PMPCB: variants seen among roughly 807,000 people sequenced by gnomAD.
PMPCB encodes the protein peptidase, mitochondrial processing subunit beta.
A neutral mutation model predicts 61.5 loss-of-function variants in PMPCB; 46 were observed. That is an observed-to-expected ratio of 0.75 (90% CI 0.59 to 0.96). The LOEUF (loss-of-function observed/expected upper bound fraction) is 0.96. PMPCB is among the 40% of genes least tolerant of loss of function. PMPCB has a pLI of 0.00. For missense variants in PMPCB, 590 were observed against 602.4 expected, an observed-to-expected ratio of 0.98 and a Z score of 0.22; for synonymous variants, 191 against 201.6, an observed-to-expected ratio of 0.95 and a Z score of 0.44.
Position 103,300,211 on chromosome 7 carries a change from C to A in PMPCB, c.361C>A (p.Leu121Ile). The change falls in exon 4 of 13, where the codon CTT becomes ATT. Residue 121 changes from leucine to isoleucine, a missense_variant. Leu to Ile is a conservative substitution (Grantham distance 5, BLOSUM62 2). Coordinates refer to ENST00000249269, the MANE Select transcript of PMPCB (RefSeq NM_004279.3). ...TKKRSQLDLE[L>I]EIENMGAHLN... Reference sequence around the variant, plus strand: ...GAAGAGATCCCAGTTAGATCTGGAACTTGAGATTGAAAATATGGGTGCTCA... The same window carrying A: ...GAAGAGATCCCAGTTAGATCTGGAAATTGAGATTGAAAATATGGGTGCTCA... The A allele has an allele frequency of 6.2e-7, 1 of 1,612,810 alleles. No homozygotes were observed. The highest frequency in any genetic ancestry group is 8.5e-7 in the Non-Finnish European group (1 of 1,178,998).
intron 4 of PMPCB, among the ~76,000 whole-genome samples, chr7:103,303,357 A>T (rs529940767): frequency 6.6e-6 from 1 of 152,332 alleles, no homozygotes; most frequent in South Asian, 2.1e-4. Context: ...GCTGAAGCCC[A>T]TATTAGCCTC....
the PMPCB span, among the ~76,000 whole-genome samples, chr7:103,343,798 A>G: frequency 3.3e-5 from 5 of 152,164 alleles, no homozygotes; most frequent in African/African-American, 9.7e-5. Context: ...GTGGCTTTTA[A>G]GAACACTGCC....
chr7:103,316,140 T>C (rs1261054566), downstream of PMPCB: 4 of 1,191,276 alleles, frequency 3.4e-6, no homozygotes, highest in East Asian at 2.4e-5. Context: ...AAAAACAAAA[T>C]GAAACGACAA....
At chr7:103,315,686 A>G, downstream of PMPCB, 2 of 923,720 alleles carry the variant, frequency 2.2e-6, no homozygotes, top group Non-Finnish European at 3.4e-6. Context: ...CATTCTGAAC[A>G]TAGACCCTAA....
chr7:103,339,339 A>G, the PMPCB span, among the ~76,000 whole-genome samples: 1 of 152,164 alleles, frequency 6.6e-6, no homozygotes, highest in African/African-American at 2.4e-5. Context: ...GATACAATCT[A>G]CTTCTTTCTA....
Position 103,307,859 on chromosome 7 carries a change from C to T in PMPCB, c.849+151C>T, listed in dbSNP as rs897717670. ...TGTACTCATTTGCTTACATTCCTTC[C>T]TCTTCCGTATTCTTTAACCACCTAT... On this transcript the variant is annotated intron_variant, in intron 7 of 12. Transcript: ENST00000249269. 7 of 571,034 alleles carry T rather than the reference C, an allele frequency of 1.2e-5. No homozygotes were observed. The East Asian group carries it at 1.8e-4, about 14-fold the overall frequency. 35.4% of individuals were successfully genotyped at this position (571,034 alleles called of 1,614,324 possible).
Position 103,297,484 on chromosome 7 carries a change from G to T in PMPCB, c.25G>T (p.Val9Leu), listed in dbSNP as rs201283176. The change falls in exon 1 of 13, where the codon GTG (valine) becomes TTG (leucine). Residue 9 changes from valine (V) to leucine (L), a missense_variant. Val to Leu is a conservative substitution (Grantham distance 32). Coordinates refer to ENST00000249269, the MANE Select transcript of PMPCB (RefSeq NM_004279.3). ...AATGGCGGCTGCGGCGGCTCGAGTG[G>T]TGTTGTCATCCGCGGCGCGGCGGCG... MAAAAARV[V>L]LSSAARRRLW... 1.3e-6 allele frequency: 2 copies of T among 1,564,916 alleles called. No individual in the cohort carries two copies. Among genetic ancestry groups the T allele is most frequent in the East Asian group, 4.5e-5 (2 of 44,122 alleles).
chr7:103,313,473 T>G lies in PMPCB; in HGVS notation c.*1202T>G. On this transcript the variant is annotated 3_prime_UTR_variant, in exon 13 of 13. Coordinates refer to ENST00000249269, the MANE Select transcript of PMPCB (RefSeq NM_004279.3). ...AACCACAATTCATTAAGAGTTCTGA[T>G]AAATCTACTTCCTTACAGAATAGGT... 1 of 985,174 alleles carries G rather than the reference T, an allele frequency of 1.0e-6. No homozygotes were observed. The highest frequency in any genetic ancestry group is 1.2e-6 in the Non-Finnish European group (1 of 829,694). The allele number at this position is 985,174 out of a possible 1,614,324, so 61.0% of individuals were successfully genotyped here.
At position 103,297,960 on chromosome 7, in the gene PMPCB, T is replaced by A; in HGVS notation, c.99+402T>A. ...GAACCTGGACATCAATGAAGTAAAA[T>A]TTTTTATGTATTTGCATTTTTCTCA... is the stretch of plus-strand genomic sequence containing the variant. On this transcript the variant is annotated intron_variant, in intron 1 of 12. Coordinates refer to ENST00000249269, the MANE Select transcript of PMPCB (RefSeq NM_004279.3). The A allele has an allele frequency of 1.2e-5, 15 of 1,205,986 alleles. No homozygotes were observed. The South Asian group carries it at 2.0e-4, about 16-fold the overall frequency. The allele number at this position is 1,205,986 out of a possible 1,614,324, so 74.7% of individuals were successfully genotyped here.
At chr7:103,342,774 A>T in the PMPCB span, among the ~76,000 whole-genome samples, 1 of 151,080 alleles carries the variant, frequency 6.6e-6, no homozygotes, top group Non-Finnish European at 1.5e-5. Context: ...ACCCCCGGCT[A>T]ATTTTTTGCA....
In PMPCB at chr7:103,311,472, T is replaced by C. The variant is rs78332133; in HGVS notation, c.1155-171T>C. On this transcript the variant is annotated intron_variant, in intron 9 of 12. Coordinates refer to ENST00000249269, the MANE Select transcript of PMPCB (RefSeq NM_004279.3). ...TGTAATTAGGCATGTTTATGTATCA[T>C]TTTTGAGAAATTAATACTGGGGAAA... 22,925 of 602,114 alleles carry C rather than the reference T, an allele frequency of 0.038. 607 individuals carry two copies. The highest frequency in any genetic ancestry group is 0.081 in the African/African-American group (4,375 of 53,920). The allele number at this position is 602,114 out of a possible 1,614,324, so 37.3% of individuals were successfully genotyped here.
chr7:103,341,720 C>A, the PMPCB span: 1 of 1,454,452 alleles, frequency 6.9e-7, no homozygotes, highest in South Asian at 1.4e-5. Context: ...TTGTCTATGT[C>A]TAACAAAGCA....
chr7:103,318,825 A>G (rs1818219437), downstream of PMPCB, among the ~76,000 whole-genome samples: 1 of 152,218 alleles, frequency 6.6e-6, no homozygotes, highest in South Asian at 2.1e-4. Flanking sequence ...GATTTTGCAA[A>G]AGCTATGCTT....
rs1817758805 is a variant in PMPCB at position 103,311,735 on chromosome 7, A to G, written c.1240+7A>G. On this transcript the variant is annotated splice_region_variant and intron_variant, in intron 10 of 12. Transcript: ENST00000249269. ...ATGTTGTTGCAGCTTGATGGTAAAA[A>G]TAAAGATATAGGTTCTGTTTTCATA... 2 of 1,611,962 alleles carry G rather than the reference A, an allele frequency of 1.2e-6. No individual in the cohort carries two copies. The highest frequency in any genetic ancestry group is 1.7e-5 in the Admixed American group (1 of 59,972).
chr7:103,314,726 C>A, downstream of PMPCB: 1 of 840,758 alleles, frequency 1.2e-6, no homozygotes, highest in Non-Finnish European at 1.4e-6. Context: ...TGATTTTCCT[C>A]CCCTATATTA....
chr7:103,322,230 C>T (rs1484102420), intron 12 of PMPCB: 4 of 639,422 alleles, frequency 6.3e-6, no homozygotes, highest in Admixed American at 7.3e-5. Context: ...CTCGGAAAGA[C>T]AGCTGGTAAA....
intron 4 of PMPCB, 48 bp from the exon 5 acceptor site, chr7:103,303,794 G>C: frequency 7.3e-7 from 1 of 1,364,680 alleles, no homozygotes; most frequent in Non-Finnish European, 1.0e-6. Context: ...TTTTAATAGT[G>C]AAAGTTAAGA....
At chr7:103,299,299 A>G in intron 2 of PMPCB, 144 bp from the exon 3 acceptor site, 1 of 587,036 alleles carries the variant, frequency 1.7e-6, no homozygotes, top group East Asian at 2.9e-5. Flanking sequence ...CATAGTTCAC[A>G]GGAATGAACT....
intron 12 of PMPCB, chr7:103,319,951 C>T: frequency 8.2e-7 from 1 of 1,217,212 alleles, no homozygotes; most frequent in South Asian, 1.3e-5. Flanking sequence ...AGGAGAATCG[C>T]TTGAACCTGG....
Sources: allele counts gnomAD v4.1 joint callset (sites outside exome capture counted in the v4.1 genomes callset), GRCh38; gene constraint gnomAD v4.1.1; transcripts MANE v1.5; gene names NCBI Gene and HGNC (gene_info 2026-07-23, HGNC 2026-07-21).